NLGN1: variants seen among roughly 807,000 people sequenced by gnomAD.
NLGN1 encodes the protein neuroligin 1, also known as neuroligin-1.
NLGN1 carries 12 observed loss-of-function variants against 65.5 expected under a neutral mutation model. That is an observed-to-expected ratio of 0.18 (90% CI 0.12 to 0.30). The LOEUF (loss-of-function observed/expected upper bound fraction) is 0.30. Ranked by LOEUF, NLGN1 falls within the 10% of genes least tolerant of loss-of-function variation. The probability of loss-of-function intolerance (pLI) is 1.00; values close to 1 mark genes in which losing one functional copy is unlikely to be tolerated. For missense variants in NLGN1, 750 were observed against 1,007.1 expected, an observed-to-expected ratio of 0.74 and a Z score of 3.46; for synonymous variants, 350 against 359.5, an observed-to-expected ratio of 0.97 and a Z score of 0.30.
intron 4 of NLGN1, among the ~76,000 whole-genome samples, chr3:173,885,699 A>G (rs915391037): frequency 2.0e-5 from 3 of 152,168 alleles, no homozygotes; most frequent in Non-Finnish European, 2.9e-5. Flanking sequence ...AAACACTTGA[A>G]TATTTTTATA....
intron 4 of NLGN1, among the ~76,000 whole-genome samples, chr3:174,121,017 A>G (rs958652817): frequency 6.6e-6 from 1 of 152,200 alleles, no homozygotes; most frequent in Non-Finnish European, 1.5e-5. Flanking sequence ...GTAAGCTAGT[A>G]GTCTGCAGCT....
chr3:173,621,349 A>G (rs1417356072), intron 3 of NLGN1, among the ~76,000 whole-genome samples: 2 of 152,152 alleles, frequency 1.3e-5, no homozygotes, highest in African/African-American at 4.8e-5. Flanking sequence ...TTGTCTGGTA[A>G]GGGGAAAGGC....
chr3:173,469,800 T>G (rs1725025723), intron 2 of NLGN1, among the ~76,000 whole-genome samples: 1 of 152,044 alleles, frequency 6.6e-6, no homozygotes, highest in Non-Finnish European at 1.5e-5. Context: ...ACATTTTGTG[T>G]TTTTCAAAAC....
intron 4 of NLGN1, among the ~76,000 whole-genome samples, chr3:174,042,007 T>C (rs1245374766): frequency 1.3e-5 from 2 of 152,112 alleles, no homozygotes; most frequent in East Asian, 1.9e-4. Context: ...TGAGCTGAGA[T>C]TGTGCCACTG....
At position 174,243,748 on chromosome 3, in the gene NLGN1, A is replaced by AT. The variant is rs777669938; in HGVS notation, c.647-31564dup. Among the ~76,000 whole-genome samples, 274 of 152,316 alleles carry AT rather than the reference A, an allele frequency of 1.8e-3. 3 individuals carry two copies. Among genetic ancestry groups the AT allele is most frequent in the Middle Eastern group, 3.4e-3 (1 of 294 alleles). ...ATTTTAGTAGTTCTTCTGACATTCT[A>AT]TTTGAATAGTATGTACCCTACAAAA... On this transcript the variant is annotated intron_variant, in intron 4 of 6. Coordinates refer to ENST00000457714, the Ensembl canonical transcript of NLGN1.
chr3:174,078,109 A>G (rs746589226), intron 4 of NLGN1, among the ~76,000 whole-genome samples: 5 of 152,142 alleles, frequency 3.3e-5, no homozygotes, highest in Non-Finnish European at 7.4e-5. Flanking sequence ...TTCAAAAACC[A>G]TACTATATGA....
chr3:173,589,522 T>C (rs1349458878), intron 2 of NLGN1, among the ~76,000 whole-genome samples: 1 of 152,124 alleles, frequency 6.6e-6, no homozygotes, highest in Non-Finnish European at 1.5e-5. Flanking sequence ...TATTTGATGG[T>C]GGCAGTGCAT....
chr3:174,066,550 C>CTGTG (rs1418917292), intron 4 of NLGN1, among the ~76,000 whole-genome samples: 1 of 113,704 alleles, frequency 8.8e-6, no homozygotes, highest in African/African-American at 3.5e-5. Context: ...CTCTCTCTCT[C>CTGTG]TCTCTCTCTC....
At chr3:173,840,655 G>T (rs1048405879) in intron 4 of NLGN1, among the ~76,000 whole-genome samples, 2 of 152,074 alleles carry the variant, frequency 1.3e-5, no homozygotes, top group African/African-American at 4.8e-5. Flanking sequence ...TTCCTTCATC[G>T]AATCATTAGG....
At chr3:174,289,932 T>C (rs1014155080), downstream of NLGN1, among the ~76,000 whole-genome samples, 1 of 126,808 alleles carries the variant, frequency 7.9e-6, no homozygotes, top group South Asian at 2.5e-4. Flanking sequence ...TATGTGTATA[T>C]ATATATGTAT....
At chr3:173,455,224 A>G (rs754137223) in intron 2 of NLGN1, among the ~76,000 whole-genome samples, 92 of 152,326 alleles carry the variant, frequency 6.0e-4, no homozygotes, top group Middle Eastern at 3.4e-3. Flanking sequence ...GAATCTGACA[A>G]TCATGGCAGA....
At chr3:173,662,203 G>T (rs1761025406) in intron 3 of NLGN1, among the ~76,000 whole-genome samples, 2 of 152,036 alleles carry the variant, frequency 1.3e-5, no homozygotes, top group African/African-American at 4.8e-5. Flanking sequence ...AGAAAAGTAT[G>T]AGTGCCCAAT....
intron 2 of NLGN1, among the ~76,000 whole-genome samples, chr3:173,515,261 G>A (rs1476602553): frequency 1.3e-5 from 2 of 152,056 alleles, no homozygotes; most frequent in African/African-American, 2.4e-5. Flanking sequence ...GTGATATTGA[G>A]CATCTTTTCC....
At chr3:174,192,526 A>G (rs1050683976) in intron 4 of NLGN1, among the ~76,000 whole-genome samples, 1 of 152,208 alleles carries the variant, frequency 6.6e-6, no homozygotes, top group Admixed American at 6.5e-5. Flanking sequence ...TATGCATTCA[A>G]TATTCATTCA....
chr3:173,798,117 C>T (rs1714565998), intron 3 of NLGN1, among the ~76,000 whole-genome samples: 1 of 152,030 alleles, frequency 6.6e-6, no homozygotes, highest in Non-Finnish European at 1.5e-5. Flanking sequence ...TTTACACGTG[C>T]CTCCAAATAT....
At chr3:173,682,342 C>A (rs1235180738) in intron 3 of NLGN1, among the ~76,000 whole-genome samples, 4 of 151,998 alleles carry the variant, frequency 2.6e-5, no homozygotes, top group Non-Finnish European at 5.9e-5. Context: ...GTAATCCCAG[C>A]ACTTTGGAAG....
rs888653243 is a variant in NLGN1 at position 173,901,059 on chromosome 3, T to G, written c.646+93227T>G. 2.0e-5 allele frequency among the ~76,000 whole-genome samples: 3 copies of G among 152,006 alleles called. No individual in the cohort carries two copies. The East Asian group carries it at 5.8e-4, about 29-fold the overall frequency. On this transcript the variant is annotated intron_variant, in intron 4 of 6. Coordinates refer to ENST00000457714, the Ensembl canonical transcript of NLGN1. ...AAGCACCTAAGAATACTCTTAAGAC[T>G]TTTTTGATCATCTAATTTAAATAAT...
Position 174,269,358 on chromosome 3 carries a change from G to A in NLGN1, c.647-5957G>A, listed in dbSNP as rs548998128. Among the ~76,000 whole-genome samples the A allele has an allele frequency of 2.6e-5, 4 of 151,648 alleles. No homozygotes were observed. The East Asian group carries it at 7.8e-4, about 30-fold the overall frequency. On this transcript the variant is annotated intron_variant, in intron 4 of 6. Transcript: ENST00000457714. ...CCCTTCCCCTTTCTCCACAGCTCTTGGTAACCACCTTTCTAATATCTGTTT... is the reference window on the plus strand; with the variant it reads ...CCCTTCCCCTTTCTCCACAGCTCTTAGTAACCACCTTTCTAATATCTGTTT...
At chr3:173,574,673 A>T (rs530332121) in intron 2 of NLGN1, among the ~76,000 whole-genome samples, 3 of 152,162 alleles carry the variant, frequency 2.0e-5, no homozygotes, top group Non-Finnish European at 4.4e-5. Flanking sequence ...TTTATGACTC[A>T]AAAAAGGAAT....
Sources: gnomAD v4.1 joint callset for allele counts (sites outside exome capture counted in the v4.1 genomes callset) on GRCh38, gnomAD v4.1.1 for gene constraint, MANE v1.5 for transcripts, NCBI Gene and HGNC (gene_info 2026-07-23, HGNC 2026-07-21) for gene names.